Variants in ADAM12 observed in about 807,000 individuals in gnomAD.
ADAM12 encodes the protein ADAM metallopeptidase domain 12.
Under a neutral mutation model 106.4 loss-of-function variants are expected in ADAM12, and 70 were observed. That is an observed-to-expected ratio of 0.66 (90% CI 0.54 to 0.80). The LOEUF is 0.80. Among genes scored for constraint, ADAM12 ranks in the 30% least tolerant of loss-of-function variants. The probability of loss-of-function intolerance (pLI) is 0.00; values close to 1 mark genes in which losing one functional copy is unlikely to be tolerated. For missense variants in ADAM12, 1,010 were observed against 1,171.9 expected, an observed-to-expected ratio of 0.86 and a Z score of 2.02; for synonymous variants, 420 against 433.5, an observed-to-expected ratio of 0.97 and a Z score of 0.39.
chr10:126,087,057 G>A (rs751056148), intron 11 of ADAM12, among the ~76,000 whole-genome samples: 1 of 151,674 alleles, frequency 6.6e-6, no homozygotes, highest in Non-Finnish European at 1.5e-5. Context: ...AATTTAAAAA[G>A]TTCATCGATG....
chr10:126,381,167 T>G (rs142934573), intron 1 of ADAM12, among the ~76,000 whole-genome samples: 4 of 152,328 alleles, frequency 2.6e-5, no homozygotes, highest in Non-Finnish European at 5.9e-5. Flanking sequence ...GAGTTTAATT[T>G]TTGTTTCCAC....
At chr10:126,307,253 C>T (rs547347546) in intron 2 of ADAM12, among the ~76,000 whole-genome samples, 24 of 152,254 alleles carry the variant, frequency 1.6e-4, no homozygotes, top group Non-Finnish European at 2.9e-4. Context: ...TTCGTTTTTG[C>T]TGTTTTACCA....
chr10:126,138,823 C>T (rs2366463), intron 4 of ADAM12, among the ~76,000 whole-genome samples: 88,247 of 148,338 alleles, frequency 0.59, 26,946 homozygotes, highest in East Asian at 0.85. Flanking sequence ...ATATCTTTTT[C>T]TTTTTAAGAG....
intron 3 of ADAM12, chr10:126,273,342 A>T (rs917993097): frequency 1.3e-5 from 2 of 153,020 alleles, no homozygotes; most frequent in Admixed American, 6.5e-5. Flanking sequence ...TTTCCAAGGA[A>T]TCGTTCACGT....
intron 3 of ADAM12, among the ~76,000 whole-genome samples, chr10:126,246,900 A>C (rs1958641204): frequency 6.6e-6 from 1 of 152,236 alleles, no homozygotes; most frequent in African/African-American, 2.4e-5. Flanking sequence ...GGCAAGAGAA[A>C]GTATTAAAGG....
chr10:126,056,374 G>T (rs1025992009), intron 14 of ADAM12, among the ~76,000 whole-genome samples: 1 of 152,162 alleles, frequency 6.6e-6, no homozygotes, highest in Admixed American at 6.5e-5. Flanking sequence ...ACGGGGATAG[G>T]ACAGATGCAT....
chr10:126,326,204 A>AT (rs5788782), intron 2 of ADAM12, among the ~76,000 whole-genome samples: 6,157 of 147,264 alleles, frequency 0.042, 177 homozygotes, highest in Admixed American at 0.076. Context: ...ACCGGGGAGT[A>AT]TTTTTTTTTT....
chr10:126,320,456 G>T (rs941620524), intron 2 of ADAM12, among the ~76,000 whole-genome samples: 9 of 152,262 alleles, frequency 5.9e-5, no homozygotes, highest in African/African-American at 2.2e-4. Context: ...TCACTTTTTA[G>T]GGAAAGAATA....
At chr10:126,244,655 A>G (rs751543460) in intron 3 of ADAM12, among the ~76,000 whole-genome samples, 89 of 152,236 alleles carry the variant, frequency 5.8e-4, no homozygotes, top group Non-Finnish European at 1.1e-3. Flanking sequence ...CTGGGGAGAC[A>G]GAGAGAGGAC....
intron 3 of ADAM12, among the ~76,000 whole-genome samples, chr10:126,198,999 C>T (rs963047342): frequency 6.6e-6 from 1 of 152,068 alleles, no homozygotes; most frequent in Non-Finnish European, 1.5e-5. Flanking sequence ...GAGCAGAAGG[C>T]CTGTAGATTC....
chr10:126,152,722 A>AT (rs1956750376), intron 4 of ADAM12, among the ~76,000 whole-genome samples: 1 of 151,964 alleles, frequency 6.6e-6, no homozygotes, highest in South Asian at 2.1e-4. Flanking sequence ...TCATGTTTTC[A>AT]TTTTTACAAA....
intron 12 of ADAM12, among the ~76,000 whole-genome samples, chr10:126,067,350 T>C (rs527665162): frequency 6.6e-6 from 1 of 152,348 alleles, no homozygotes; most frequent in African/African-American, 2.4e-5. Flanking sequence ...GGGTAAGTTG[T>C]CTGGCCTGAC....
intron 1 of ADAM12, among the ~76,000 whole-genome samples, chr10:126,379,787 C>T (rs1856426929): frequency 6.6e-6 from 1 of 151,908 alleles, no homozygotes; most frequent in Non-Finnish European, 1.5e-5. Flanking sequence ...AGATCACATT[C>T]AGATTCAAGT....
intron 6 of ADAM12, among the ~76,000 whole-genome samples, chr10:126,114,394 A>T (rs1482599748): frequency 6.6e-6 from 1 of 152,182 alleles, no homozygotes; most frequent in African/African-American, 2.4e-5. Context: ...CACCTGGAAA[A>T]CTGGAGCCTC....
intron 1 of ADAM12, among the ~76,000 whole-genome samples, chr10:126,345,134 C>T (rs1590807241): frequency 6.6e-6 from 1 of 152,264 alleles, no homozygotes; most frequent in Non-Finnish European, 1.5e-5. Context: ...AGTTTTTGCC[C>T]ATTCAGTATG....
intron 1 of ADAM12, among the ~76,000 whole-genome samples, chr10:126,333,941 G>A (rs952691982): frequency 1.3e-5 from 2 of 152,148 alleles, no homozygotes; most frequent in African/African-American, 2.4e-5. Flanking sequence ...TGCTGAGTAC[G>A]GTATGTATTA....
intron 17 of ADAM12, 115 bp downstream of exon 17, chr10:126,045,940 C>T: frequency 1.1e-6 from 1 of 875,906 alleles, no homozygotes. Flanking sequence ...ATATTTCAAA[C>T]ACAATAACTG....
chr10:126,178,768 C>T (rs191166003), intron 3 of ADAM12, among the ~76,000 whole-genome samples: 63 of 152,204 alleles, frequency 4.1e-4, no homozygotes, highest in Middle Eastern at 6.8e-3. Context: ...TCAAGCAGGC[C>T]GGGCGCAGTG....
chr10:126,363,186 A>T (rs115323579), intron 1 of ADAM12, among the ~76,000 whole-genome samples: 2,960 of 152,294 alleles, frequency 0.019, 108 homozygotes, highest in African/African-American at 0.066. Flanking sequence ...ACAATAAATG[A>T]TTTTCTAGGA....
Sources: allele counts gnomAD v4.1 joint callset (sites outside exome capture counted in the v4.1 genomes callset), GRCh38; gene constraint gnomAD v4.1.1; transcripts MANE v1.5; gene names NCBI Gene and HGNC (gene_info 2026-07-23, HGNC 2026-07-21).